Variants in KRT5 observed in about 807,000 individuals in gnomAD.
KRT5 encodes keratin, type II cytoskeletal 5.
In KRT5, 17 loss-of-function variants were observed where a neutral mutation model predicts 44.0. The ratio of observed to expected loss-of-function variants is 0.39; its 90% confidence interval spans 0.26 to 0.58. KRT5 has a LOEUF of 0.58. Ranked by LOEUF, KRT5 falls within the 20% of genes least tolerant of loss-of-function variation. The pLI is 0.61. For synonymous variants in KRT5, 329 were observed against 312.8 expected (o/e 1.05, Z -0.55); for missense variants, 737 against 785.5 (o/e 0.94, Z 0.74).
At chr12:52,515,320 G>A (rs1938593105) in intron 8 of KRT5, 80 bp from the exon 9 acceptor site, 2 of 1,584,040 alleles carry the variant, frequency 1.3e-6, no homozygotes, top group African/African-American at 1.3e-5. Context: ...ATCTGCTGGT[G>A]TTGGAGCACT....
Position 52,518,137 on chromosome 12 carries a change from G to A in KRT5, c.797C>T (p.Thr266Ile), listed in dbSNP as rs780929128. 15 of 1,614,100 alleles carry A rather than the reference G, an allele frequency of 9.3e-6. No homozygotes were observed. The highest frequency in any genetic ancestry group is 1.1e-5 in the Non-Finnish European group (13 of 1,180,046). The change falls in exon 3 of 9, where the codon ACC becomes ATC. Residue 266 changes from threonine (T) to isoleucine (I), a missense_variant. Thr to Ile is a moderately conservative substitution (Grantham distance 89). This residue lies in a region of KRT5 where 59 missense variants were observed against 62.5 expected (regional missense o/e 0.94). Coordinates refer to ENST00000252242, the MANE Select transcript of KRT5 (RefSeq NM_000424.4). ...NKYEDEINKR[T>I]TAENEFVMLK... ...CATCACAAACTCATTCTCAGCAGTG[G>A]TACGCTTGTTGATTTCATCCTCATA...
At position 52,516,651 on chromosome 12, in the gene KRT5, C is replaced by T. The variant is rs1314336030; in HGVS notation, c.1425G>A (p.Glu475=). 7 of 1,614,056 alleles carry T rather than the reference C, an allele frequency of 4.3e-6. No individual in the cohort carries two copies. The African/African-American group carries it at 5.3e-5, about 12-fold the overall frequency. Residue 475 remains glutamate (E), a synonymous_variant, in exon 7 of 9, where the codon GAG becomes GAA. Coordinates refer to ENST00000252242, the MANE Select transcript of KRT5 (RefSeq NM_000424.4). ...TGTCTACTCACCTGCATTCCTCGCC[C>T]TCCAGCAGCTTGCGGTAAGTGGCGA... The part of the protein sequence containing the change: ...VEIATYRKLL[E]GEECRLSGEG...
At position 52,519,472 on chromosome 12, in the gene KRT5, T is replaced by C. The variant is rs983487754; in HGVS notation, c.555+270A>G. The C allele has an allele frequency of 6.4e-6, 4 of 623,100 alleles. No individual in the cohort carries two copies. In the African/African-American group the frequency reaches 7.4e-5, roughly 11 times the overall value. The allele number at this position is 623,100 out of a possible 1,614,324, so 38.6% of individuals were successfully genotyped here. A position where few individuals can be genotyped will look rare whatever the true frequency, so the allele number is the denominator to read the frequency against. ...CTACCTTCCTGTACAGTCAGCCCCT[T>C]TATATATGGCATGAAATTCATCTCT... On this transcript the variant is annotated intron_variant, in intron 1 of 8. Transcript: ENST00000252242.
intron 8 of KRT5, chr12:52,515,557 G>A: frequency 1.6e-6 from 1 of 629,510 alleles, no homozygotes; most frequent in Non-Finnish European, 2.8e-6. Flanking sequence ...CAAGGCAGGG[G>A]ACAGGGTCCA....
rs765687033 is a variant in KRT5 at position 52,515,098 on chromosome 12, A to G, written c.1617T>C (p.Gly539=). 22 of 1,607,996 alleles carry G rather than the reference A, an allele frequency of 1.4e-5. No individual in the cohort carries two copies. In the South Asian group the frequency reaches 2.0e-4, roughly 15 times the overall value. ...SGSYYSSSSG[G]VGLGGGLSVG... ...CACTGAGCCCACCACCTAGGCCGAC[A>G]CCCCCACTGCTGCTGGAGTAGTAGC... Residue 539 remains glycine (G), a synonymous_variant, in exon 9 of 9, where the codon GGT becomes GGC. Transcript: ENST00000252242.
At position 52,515,386 on chromosome 12, in the gene KRT5, T is replaced by C. The variant is rs1440247699; in HGVS notation, c.1475-146A>G. ...AAGGCCCGGAAGAACTGTCATTTAA[T>C]TAAGGTCCCTAAAAAAGTGGGTGAG... is the stretch of plus-strand genomic sequence containing the variant. On this transcript the variant is annotated intron_variant, in intron 8 of 8. Transcript: ENST00000252242. The C allele has an allele frequency of 4.3e-6, 5 of 1,171,740 alleles. No homozygotes were observed. In the African/African-American group the frequency reaches 6.0e-5, roughly 14 times the overall value. 72.6% of individuals were successfully genotyped at this position (1,171,740 alleles called of 1,614,324 possible). A position where few individuals can be genotyped will look rare whatever the true frequency, so the allele number is the denominator to read the frequency against.
intron 1 of KRT5, chr12:52,519,458 T>C: frequency 1.6e-6 from 1 of 626,624 alleles, no homozygotes; most frequent in East Asian, 2.8e-5. Flanking sequence ...TACCTTCCTG[T>C]ACAGTCAGCC....
chr12:52,516,098 A>G, intron 7 of KRT5: 1 of 566,296 alleles, frequency 1.8e-6, no homozygotes, highest in Non-Finnish European at 3.1e-6. Context: ...AGATTTGGAA[A>G]ATGTGATTAT....
intron 6 of KRT5, 56 bp from the exon 7 acceptor site, chr12:52,516,913 G>C: frequency 6.3e-7 from 1 of 1,596,262 alleles, no homozygotes; most frequent in Non-Finnish European, 8.6e-7. Context: ...GTCTCCTTCT[G>C]AGTTTCTGGG....
Position 52,515,140 on chromosome 12 carries a change from G to T in KRT5, c.1575C>A (p.Ala525=). 1 of 1,611,714 alleles carries T rather than the reference G, an allele frequency of 6.2e-7. No individual in the cohort carries two copies. The highest frequency in any genetic ancestry group is 8.5e-7 in the Non-Finnish European group (1 of 1,179,098). ...GLGGGLGGGL[A]GGSSGSYYSS... ...AGTAGTAGCTTCCACTGCTACCTCC[G>T]GCAAGACCTCCACCGAGGCCGCCGC... Residue 525 remains alanine (A), a synonymous_variant, in exon 9 of 9, where the codon GCC becomes GCA. Coordinates refer to ENST00000252242, the MANE Select transcript of KRT5 (RefSeq NM_000424.4).
chr12:52,516,864 A>T lies in KRT5; in HGVS notation c.1219-7T>A. The T allele has an allele frequency of 6.2e-7, 1 of 1,614,056 alleles. No individual in the cohort carries two copies. The highest frequency in any genetic ancestry group is 8.5e-7 in the Non-Finnish European group (1 of 1,180,000). On this transcript the variant is annotated splice_polypyrimidine_tract_variant and splice_region_variant and intron_variant, in intron 6 of 8. Coordinates refer to ENST00000252242, the MANE Select transcript of KRT5 (RefSeq NM_000424.4). ...CGTTCTGCAGATTGGCGCACTACAG[A>T]TAGAAAGGAGGAGAGTGGGGTTGCT...
In KRT5 at chr12:52,517,100, A is replaced by G. The variant is rs1592193910; in HGVS notation, c.1218+7T>C. 6.2e-7 allele frequency: 1 copy of G among 1,613,526 alleles called. No individual in the cohort carries two copies. Among genetic ancestry groups the G allele is most frequent in the Non-Finnish European group, 8.5e-7 (1 of 1,179,728 alleles). On this transcript the variant is annotated splice_region_variant and intron_variant, in intron 6 of 8. Transcript: ENST00000252242. The stretch of plus-strand genomic sequence containing the variant: ...CCCTTCCTTGCCCTCTTTCAATCTC[A>G]CCCTACCTGTTTCTTGACATTGTCA...
In KRT5 at chr12:52,514,861, T is replaced by C. The variant is rs1256487770; in HGVS notation, c.*81A>G. On this transcript the variant is annotated 3_prime_UTR_variant, in exon 9 of 9. Transcript: ENST00000252242. ...CTACTCTCCAGAAAAGGATAAAACA[T>C]GGCTTGAGCAACTGCCTAGAAGAGG... is the stretch of plus-strand genomic sequence containing the variant. 3 of 1,224,020 alleles carry C rather than the reference T, an allele frequency of 2.5e-6. No homozygotes were observed. Among genetic ancestry groups the C allele is most frequent in the African/African-American group, 1.5e-5 (1 of 67,320 alleles). 75.8% of individuals were successfully genotyped at this position (1,224,020 alleles called of 1,614,324 possible).
intron 6 of KRT5, 77 bp downstream of exon 6, chr12:52,517,030 T>C: frequency 3.8e-6 from 6 of 1,588,504 alleles, no homozygotes; most frequent in South Asian, 3.3e-5. Flanking sequence ...TTAGCAAAAG[T>C]AAAACAAAAT....
intron 8 of KRT5, 65 bp from the exon 9 acceptor site, chr12:52,515,305 A>G (rs1938592919): frequency 6.3e-7 from 1 of 1,598,222 alleles, no homozygotes; most frequent in Non-Finnish European, 8.5e-7. Context: ...TGGCCCATTT[A>G]TTTGATCTGC....
chr12:52,515,656 C>G, intron 8 of KRT5, 142 bp downstream of exon 8: 1 of 763,890 alleles, frequency 1.3e-6, no homozygotes. Context: ...CCTCCACCAC[C>G]CACAACTTAC....
chr12:52,517,326 A>G, intron 5 of KRT5, 94 bp from the exon 6 acceptor site: 1 of 1,483,820 alleles, frequency 6.7e-7, no homozygotes, highest in Non-Finnish European at 9.3e-7. Context: ...AGTGGTGGCA[A>G]ATAGTGTGGG....
intron 2 of KRT5, 33 bp from the exon 3 acceptor site, chr12:52,518,196 G>A: frequency 1.2e-6 from 2 of 1,605,048 alleles, no homozygotes; most frequent in Non-Finnish European, 8.5e-7. Context: ...GTGTTTGTCA[G>A]AGGATGAGCA....
chr12:52,515,293 C>T, intron 8 of KRT5, 53 bp from the exon 9 acceptor site: 3 of 1,600,342 alleles, frequency 1.9e-6, no homozygotes. Flanking sequence ...GCTGATCCTG[C>T]ATGGCCCATT....
Sources: gnomAD v4.1 joint callset for allele counts on GRCh38, gnomAD v4.1.1 for gene constraint, gnomAD v4.1.1 regional missense constraint, MANE v1.5 for transcripts, NCBI Gene and HGNC (gene_info 2026-07-23, HGNC 2026-07-21) for gene names.